Variants in NRG1 observed in about 807,000 individuals in gnomAD.
The protein encoded by NRG1 is pro-neuregulin-1, membrane-bound isoform.
Under a neutral mutation model 63.8 loss-of-function variants are expected in NRG1, and 18 were observed. That is an observed-to-expected ratio of 0.28 (90% CI 0.19 to 0.42). The LOEUF (loss-of-function observed/expected upper bound fraction) is 0.42, where lower values mean the gene tolerates loss of function less well. Among genes scored for constraint, NRG1 ranks in the 10% least tolerant of loss-of-function variants. NRG1 has a pLI of 1.00. For synonymous variants in NRG1, 302 were observed against 301.3 expected (o/e 1.00, Z -0.02); for missense variants, 762 against 814.7 (o/e 0.94, Z 0.79).
chr8:32,756,411 G>A (rs764482735), exon 9 of NRG1: 28 of 1,609,800 alleles, frequency 1.7e-5, no homozygotes, highest in South Asian at 1.2e-4. Flanking sequence ...AGGAAACAGC[G>A]GAAAAAGCTG....
chr8:32,640,514 A>G (rs529078479), intron 5 of NRG1, among the ~76,000 whole-genome samples: 1 of 152,040 alleles, frequency 6.6e-6, no homozygotes, highest in East Asian at 1.9e-4. Context: ...TATTGAGTTT[A>G]TCACGTTTGA....
intron 1 of NRG1, among the ~76,000 whole-genome samples, chr8:31,946,645 T>A (rs573087217): frequency 6.6e-6 from 1 of 152,302 alleles, no homozygotes; most frequent in Admixed American, 6.5e-5. Flanking sequence ...GAATGGCACT[T>A]ATTTTCAGGT....
exon 11 of NRG1, chr8:32,760,379 C>T (rs756689549): frequency 3.3e-5 from 53 of 1,613,928 alleles, no homozygotes; most frequent in Middle Eastern, 3.3e-4. Flanking sequence ...ACCCCTGATT[C>T]CTACCGAGAC....
At chr8:31,953,491 T>C (rs1254556209) in intron 1 of NRG1, among the ~76,000 whole-genome samples, 4 of 152,216 alleles carry the variant, frequency 2.6e-5, no homozygotes, top group Admixed American at 2.6e-4. Context: ...GAAATTTCTC[T>C]GACTTATCAA....
At chr8:32,770,960 C>G (rs58112316), downstream of NRG1, among the ~76,000 whole-genome samples, 7,314 of 152,156 alleles carry the variant, frequency 0.048, 592 homozygotes, top group African/African-American at 0.17. Flanking sequence ...TTTGCATATC[C>G]CCATTGCACA....
intron 1 of NRG1, among the ~76,000 whole-genome samples, chr8:31,772,045 T>C (rs1240491518): frequency 6.6e-6 from 1 of 152,244 alleles, no homozygotes; most frequent in East Asian, 1.9e-4. Context: ...AAGCACATGG[T>C]TTCCAGATCA....
chr8:32,144,386 G>GGTGT (rs58220737), intron 1 of NRG1, among the ~76,000 whole-genome samples: 1,953 of 150,964 alleles, frequency 0.013, 48 homozygotes, highest in African/African-American at 0.044. Context: ...TGTTTATGGA[G>GGTGT]GTGTGTGTGT....
chr8:32,640,650 ACAC>A lies in NRG1; in HGVS notation c.502+23766_502+23768del, dbSNP rs1410512674. ...CACACACACACACACACACACACAC[ACAC>A]ACACACACAGAAACTAGTAAATGGA... On this transcript the variant is annotated intron_variant, in intron 5 of 11. Transcript: ENST00000356819. 2.0e-5 allele frequency among the ~76,000 whole-genome samples: 3 copies of A among 151,872 alleles called. No homozygotes were observed. The East Asian group carries it at 5.8e-4, about 29-fold the overall frequency.
intron 1 of NRG1, among the ~76,000 whole-genome samples, chr8:32,240,970 C>T (rs1396764756): frequency 6.6e-6 from 1 of 151,920 alleles, no homozygotes; most frequent in Non-Finnish European, 1.5e-5. Context: ...CAGGAGAGTA[C>T]ATACCCTTTT....
At chr8:32,755,515 C>G (rs1787000807) in intron 8 of NRG1, among the ~76,000 whole-genome samples, 1 of 152,100 alleles carries the variant, frequency 6.6e-6, no homozygotes, top group African/African-American at 2.4e-5. Context: ...CCTGGTGAGT[C>G]TCATTAGATT....
chr8:31,958,313 T>G (rs327399), intron 1 of NRG1, among the ~76,000 whole-genome samples: 9 of 152,046 alleles, frequency 5.9e-5, no homozygotes, highest in Non-Finnish European at 1.3e-4. Context: ...GAAGAAAGCC[T>G]TACATGACAA....
At chr8:32,255,785 T>G (rs1000232666) in intron 1 of NRG1, among the ~76,000 whole-genome samples, 3 of 152,194 alleles carry the variant, frequency 2.0e-5, no homozygotes, top group African/African-American at 4.8e-5. Context: ...TTCTCCTGGA[T>G]AATATCCTGA....
intron 1 of NRG1, among the ~76,000 whole-genome samples, chr8:32,579,314 T>G (rs79505727): frequency 0.018 from 2,767 of 150,916 alleles, 40 homozygotes; most frequent in Middle Eastern, 0.059. Flanking sequence ...TGAAACACAA[T>G]GTACAAAAAC....
chr8:32,505,401 A>G (rs1828394859), intron 1 of NRG1, among the ~76,000 whole-genome samples: 1 of 152,224 alleles, frequency 6.6e-6, no homozygotes, highest in Admixed American at 6.5e-5. Flanking sequence ...TAAACATAAA[A>G]GCTTTTTCAA....
At chr8:32,421,514 G>C (rs1190516909) in intron 1 of NRG1, among the ~76,000 whole-genome samples, 2 of 152,160 alleles carry the variant, frequency 1.3e-5, no homozygotes, top group Non-Finnish European at 2.9e-5. Flanking sequence ...CCCTGGGAAA[G>C]AAAAGCAATG....
chr8:32,600,234 G>C (rs1011456905), intron 2 of NRG1, among the ~76,000 whole-genome samples: 2 of 151,480 alleles, frequency 1.3e-5, no homozygotes, highest in African/African-American at 4.9e-5. Flanking sequence ...GCAAGACCCC[G>C]TCTCTATACT....
intron 3 of NRG1, 55 bp downstream of exon 3, chr8:32,605,738 C>T (rs1554600802): frequency 6.3e-7 from 1 of 1,592,720 alleles, no homozygotes; most frequent in Non-Finnish European, 8.6e-7. Flanking sequence ...GTAATCAAAA[C>T]ATGTGGTAAG....
intron 1 of NRG1, among the ~76,000 whole-genome samples, chr8:32,012,103 C>T (rs922194055): frequency 5.3e-5 from 8 of 152,080 alleles, no homozygotes; most frequent in Non-Finnish European, 7.4e-5. Context: ...GGATCAGCTT[C>T]GGGAGGAAAG....
chr8:32,532,081 T>C (rs1367652993), intron 1 of NRG1, among the ~76,000 whole-genome samples: 3 of 152,176 alleles, frequency 2.0e-5, no homozygotes, highest in African/African-American at 7.2e-5. Context: ...GTAAACCTTC[T>C]CTTTTGTGGA....
Sources: gnomAD v4.1 joint callset for allele counts (sites outside exome capture counted in the v4.1 genomes callset) on GRCh38, gnomAD v4.1.1 for gene constraint, MANE v1.5 for transcripts, NCBI Gene and HGNC (gene_info 2026-07-23, HGNC 2026-07-21) for gene names.